The following MAK16 variants were observed in gnomAD, a reference collection of about 807,000 sequenced individuals.
The protein encoded by MAK16 is MAK16 homolog.
MAK16 carries 12 observed loss-of-function variants against 49.9 expected under a neutral mutation model. The observed-to-expected ratio is 0.24, with a 90% CI of 0.15 to 0.39. The LOEUF (loss-of-function observed/expected upper bound fraction) is 0.39. MAK16 is among the 10% of genes least tolerant of loss of function. The pLI, the probability that MAK16 is intolerant of heterozygous loss-of-function variation, is 1.00. For missense variants in MAK16, 292 were observed against 363.7 expected, an observed-to-expected ratio of 0.80 and a Z score of 1.60; for synonymous variants, 115 against 126.4, an observed-to-expected ratio of 0.91 and a Z score of 0.60.
Position 33,488,398 on chromosome 8 carries a change from A to C in MAK16, c.36A>C (p.Gly12=). The C allele has an allele frequency of 6.2e-7, 1 of 1,614,240 alleles. No homozygotes were observed. The highest frequency in any genetic ancestry group is 8.5e-7 in the Non-Finnish European group (1 of 1,180,042). ...QSDDVIWDTL[G]NKQFCSFKIR... ...TGCAGGTTATCTGGGATACACTAGG[A>C]AACAAGCAATTTTGTTCCTTCAAAA... Residue 12 remains glycine, a synonymous_variant, in exon 2 of 10, where the codon GGA becomes GGC. Transcript: ENST00000360128.
rs570481958 is a variant in MAK16, at chr8:33,497,269, T to C, written c.677T>C (p.Val226Ala). 198 of 1,608,990 alleles carry C rather than the reference T, an allele frequency of 1.2e-4. 5 individuals carry two copies. In the South Asian group the frequency reaches 2.1e-3, roughly 17 times the overall value. Reference protein sequence around the residue: ...GKREFVEDGEVDESDISDFED... With the variant: ...GKREFVEDGEADESDISDFED... ...AGAGAATTTGTCGAAGATGGTGAGG[T>C]AGATGAGAGTGACATAAGTGATTTT... The change falls in exon 9 of 10, where the codon GTA (valine) becomes GCA (alanine). Residue 226 changes from valine to alanine, a missense_variant. By Grantham distance (64) the Val-to-Ala change is moderately conservative (BLOSUM62 0). Transcript: ENST00000360128.
At chr8:33,495,511 A>C (rs1808842647) in intron 6 of MAK16, 31 bp from the exon 7 acceptor site, 2 of 1,582,136 alleles carry the variant, frequency 1.3e-6, no homozygotes, top group African/African-American at 2.7e-5. Flanking sequence ...GCACTGATGA[A>C]TTAAACAGAT....
At chr8:33,497,941 C>G (rs12155736) in intron 9 of MAK16, among the ~76,000 whole-genome samples, 1 of 151,502 alleles carries the variant, frequency 6.6e-6, no homozygotes. Flanking sequence ...ACTAAAAATA[C>G]AAAAATTAGC....
Position 33,495,405 on chromosome 8 carries a change from G to C in MAK16, c.448-137G>C, listed in dbSNP as rs993147003. The C allele has an allele frequency of 4.3e-6, 3 of 691,756 alleles. No homozygotes were observed. In the African/African-American group the frequency reaches 5.6e-5, roughly 13 times the overall value. The allele number at this position is 691,756 out of a possible 1,614,324, so 42.9% of individuals were successfully genotyped here. A position where few individuals can be genotyped will look rare whatever the true frequency, so the allele number is the denominator to read the frequency against. On this transcript the variant is annotated intron_variant, in intron 6 of 9. Coordinates refer to ENST00000360128, the MANE Select transcript of MAK16 (RefSeq NM_032509.4). ...AAGAAGAAATCTATCTCGTTGGAAA[G>C]GCAAAAGCCAGTATTAGCAAGGAGG...
intron 1 of MAK16, among the ~76,000 whole-genome samples, chr8:33,487,022 C>T (rs915649261): frequency 6.6e-6 from 1 of 152,144 alleles, no homozygotes. Context: ...CTATAAAATT[C>T]TTAAAGTGTG....
chr8:33,489,168 AAATC>A lies in MAK16; in HGVS notation c.392+30_392+33del. ...AGTATTTGGATCATTCATTATTTTT[AAATC>A]TCTCTTTTTATGGAGCTTGTTTTGA... On this transcript the variant is annotated intron_variant, in intron 5 of 9. Transcript: ENST00000360128. The surrounding 1 kb of genome is among the most constrained non-coding windows in gnomAD (Gnocchi z 4.2). 6.3e-7 allele frequency: 1 copy of A among 1,580,208 alleles called. No individual in the cohort carries two copies. Among genetic ancestry groups the A allele is most frequent in the Non-Finnish European group, 8.6e-7 (1 of 1,160,098 alleles).
chr8:33,497,959 G>A (rs1170570246), intron 9 of MAK16, among the ~76,000 whole-genome samples: 1 of 151,822 alleles, frequency 6.6e-6, no homozygotes, highest in East Asian at 2.0e-4. Flanking sequence ...AGCTAGGTAT[G>A]GTGGTGCATG....
chr8:33,497,459 C>G (rs1808888303), intron 9 of MAK16, among the ~76,000 whole-genome samples, 162 bp downstream of exon 9: 1 of 151,516 alleles, frequency 6.6e-6, no homozygotes, highest in South Asian at 2.1e-4. Flanking sequence ...CGAGACCAGC[C>G]TGAAGAACAT....
chr8:33,493,416 A>G (rs137873592), intron 6 of MAK16, among the ~76,000 whole-genome samples: 2,321 of 152,288 alleles, frequency 0.015, 72 homozygotes, highest in African/African-American at 0.053. Context: ...AGCCTCCCAA[A>G]GTGCTGGGAT....
Position 33,498,674 on chromosome 8 carries a change from T to C in MAK16, c.*45T>C. 4.8e-6 allele frequency: 2 copies of C among 418,756 alleles called. No individual in the cohort carries two copies. Among genetic ancestry groups the C allele is most frequent in the Non-Finnish European group, 6.1e-6 (2 of 326,180 alleles). 25.9% of individuals were successfully genotyped at this position (418,756 alleles called of 1,614,324 possible). On this transcript the variant is annotated 3_prime_UTR_variant, in exon 10 of 10. Transcript: ENST00000360128. ...ACCCAGGACTGAACATGCAGAACTG[T>C]TTTTTTTTTTTTTTTATCTTAAACA...
At chr8:33,491,083 G>T (rs992219608) in intron 6 of MAK16, among the ~76,000 whole-genome samples, 3 of 152,082 alleles carry the variant, frequency 2.0e-5, no homozygotes, top group African/African-American at 4.8e-5. Context: ...ATGACCTCCG[G>T]TTCCATCCAT....
chr8:33,493,842 T>A (rs1808814678), intron 6 of MAK16, among the ~76,000 whole-genome samples: 1 of 152,178 alleles, frequency 6.6e-6, no homozygotes, highest in Non-Finnish European at 1.5e-5. Context: ...TGATTGCAAT[T>A]TTTATAGGAG....
chr8:33,497,834 G>A (rs1200481560), intron 9 of MAK16, among the ~76,000 whole-genome samples: 3 of 150,606 alleles, frequency 2.0e-5, no homozygotes, highest in South Asian at 4.3e-4. Context: ...GGTGGCTCAC[G>A]CCTATAATCC....
chr8:33,487,024 T>G (rs948404467), intron 1 of MAK16, among the ~76,000 whole-genome samples: 1 of 152,204 alleles, frequency 6.6e-6, no homozygotes, highest in African/African-American at 2.4e-5. Context: ...ATAAAATTCT[T>G]AAAGTGTGTT....
chr8:33,485,374 T>C, intron 1 of MAK16, 153 bp downstream of exon 1: 3 of 997,542 alleles, frequency 3.0e-6, no homozygotes, highest in Non-Finnish European at 4.6e-6. Flanking sequence ...ACATAGGTTC[T>C]CACGCGTGTC....
rs576709231 is a variant in MAK16, at chr8:33,500,626, C to T, written c.*1997C>T. 1.3e-5 allele frequency: 14 copies of T among 1,099,658 alleles called. No homozygotes were observed. Among genetic ancestry groups the T allele is most frequent in the Middle Eastern group, 3.1e-4 (1 of 3,258 alleles). 68.1% of individuals were successfully genotyped at this position (1,099,658 alleles called of 1,614,324 possible). A position where few individuals can be genotyped will look rare whatever the true frequency, so the allele number is the denominator to read the frequency against. ...TAGGTCAAAGTTAAATGAAAAAGAC[C>T]TAAAAACAGAACCAAAGACAGCCTC... On this transcript the variant is annotated 3_prime_UTR_variant, in exon 10 of 10. Coordinates refer to ENST00000360128, the MANE Select transcript of MAK16 (RefSeq NM_032509.4).
At chr8:33,492,415 A>T (rs973220964) in intron 6 of MAK16, among the ~76,000 whole-genome samples, 20 of 152,104 alleles carry the variant, frequency 1.3e-4, no homozygotes, top group African/African-American at 3.6e-4. Flanking sequence ...TTTTAACTTG[A>T]TGTGCTCCCA....
At position 33,485,228 on chromosome 8, in the gene MAK16, C is replaced by G. The variant is rs1218127979; in HGVS notation, c.15+7C>G. 1.9e-5 allele frequency: 31 copies of G among 1,614,212 alleles called. No homozygotes were observed. Among genetic ancestry groups the G allele is most frequent in the Non-Finnish European group, 2.5e-5 (30 of 1,180,040 alleles). The stretch of plus-strand genomic sequence containing the variant: ...CACCATGCAGTCGGATGATGTGAGT[C>G]TCCTCCGGTTGTTCTTACACCCGGG... On this transcript the variant is annotated splice_region_variant and intron_variant, in intron 1 of 9. Coordinates refer to ENST00000360128, the MANE Select transcript of MAK16 (RefSeq NM_032509.4).
In MAK16 at chr8:33,489,227, T is replaced by C; in HGVS notation, c.392+88T>C. On this transcript the variant is annotated intron_variant, in intron 5 of 9. Coordinates refer to ENST00000360128, the MANE Select transcript of MAK16 (RefSeq NM_032509.4). This position sits in a 1 kb window ranked among gnomAD's most constrained non-coding sequence, Gnocchi z 4.2. Reference sequence around the variant, plus strand: ...GAGAAATTGTGAAACTTCGGGGCTTTCTATTCAACTTTGTGGAGTCTGTTA... The same window carrying C: ...GAGAAATTGTGAAACTTCGGGGCTTCCTATTCAACTTTGTGGAGTCTGTTA... 8.2e-7 allele frequency: 1 copy of C among 1,215,892 alleles called. No individual in the cohort carries two copies. Among genetic ancestry groups the C allele is most frequent in the Middle Eastern group, 2.1e-4 (1 of 4,854 alleles). The allele number at this position is 1,215,892 out of a possible 1,614,324, so 75.3% of individuals were successfully genotyped here.
Sources: gnomAD v4.1 joint callset for allele counts (sites outside exome capture counted in the v4.1 genomes callset) on GRCh38, gnomAD v4.1.1 for gene constraint, Gnocchi (gnomAD v3.1) non-coding constraint, MANE v1.5 for transcripts, NCBI Gene and HGNC (gene_info 2026-07-23, HGNC 2026-07-21) for gene names.